Variants in TAS2R1 observed in about 807,000 individuals in gnomAD.
TAS2R1 encodes taste 2 receptor member 1.
For synonymous variants in TAS2R1, 141 were observed against 134.2 expected (o/e 1.05, Z -0.35); for missense variants, 370 against 353.4 (o/e 1.05, Z -0.38).
chr5:9,807,893 TTAAAA>T, the TAS2R1 span, among the ~76,000 whole-genome samples: 4 of 150,300 alleles, frequency 2.7e-5, no homozygotes, highest in Non-Finnish European at 4.4e-5. Flanking sequence ...AAACAAACAA[TTAAAA>T]TAAAATAAAA....
chr5:9,851,578 A>G, the TAS2R1 span, among the ~76,000 whole-genome samples: 2 of 151,442 alleles, frequency 1.3e-5, no homozygotes, highest in South Asian at 4.2e-4. Context: ...CATTTGGAAC[A>G]CAAGAAGTGC....
intron 1 of TAS2R1, among the ~76,000 whole-genome samples, chr5:9,668,876 G>A: frequency 6.6e-6 from 1 of 151,768 alleles, no homozygotes; most frequent in South Asian, 2.1e-4. Flanking sequence ...ATAATAACCA[G>A]CTAACAACAT....
chr5:9,820,259 T>C, the TAS2R1 span, among the ~76,000 whole-genome samples: 5 of 152,210 alleles, frequency 3.3e-5, no homozygotes, highest in South Asian at 8.3e-4. Flanking sequence ...CAGACTGCCA[T>C]AGGGGGCTGA....
the TAS2R1 span, among the ~76,000 whole-genome samples, chr5:9,834,283 C>T: frequency 6.6e-6 from 1 of 152,228 alleles, no homozygotes; most frequent in Non-Finnish European, 1.5e-5. Flanking sequence ...CCTGTTTCCT[C>T]GTTTAGAAAT....
intron 1 of TAS2R1, among the ~76,000 whole-genome samples, chr5:9,676,828 C>A (rs191641360): frequency 6.6e-6 from 1 of 152,006 alleles, no homozygotes; most frequent in Admixed American, 6.6e-5. Flanking sequence ...TTAGTTCAGC[C>A]ATTATGGAAG....
upstream of TAS2R1, chr5:9,713,928 AT>A (rs1457620438): frequency 6.6e-6 from 1 of 152,242 alleles, no homozygotes; most frequent in East Asian, 1.9e-4. Flanking sequence ...CATATTGTTT[AT>A]TTAAAATTAT....
chr5:9,671,030 C>T (rs572161803), intron 1 of TAS2R1, among the ~76,000 whole-genome samples: 1 of 152,150 alleles, frequency 6.6e-6, no homozygotes, highest in African/African-American at 2.4e-5. Context: ...AACAGAACTA[C>T]AAACAAAAAG....
At position 9,681,531 on chromosome 5, in the gene TAS2R1, C is replaced by CAAAAAAAAAAAAAAAAAAAAA. The variant is rs10681888; in HGVS notation, c.-241-21951_-241-21950insTTTTTTTTTTTTTTTTTTTTT. On this transcript the variant is annotated intron_variant, in intron 1 of 2. Coordinates refer to the TAS2R1 transcript ENST00000506620. ...TTTCAGGGGACTTCTCATGTTTCTGCAAAAAAAAAAAAAAAAAAAGATGCC... is the reference window on the plus strand; with the variant it reads ...TTTCAGGGGACTTCTCATGTTTCTGCAAAAAAAAAAAAAAAAAAAAAAAAAAAAAAAAAAAAAAAAGATGCC... Among the ~76,000 whole-genome samples, 172 of 87,852 alleles carry CAAAAAAAAAAAAAAAAAAAAA rather than the reference C, an allele frequency of 2.0e-3. 12 individuals are homozygous for CAAAAAAAAAAAAAAAAAAAAA. The highest frequency in any genetic ancestry group is 7.9e-3 in the East Asian group (20 of 2,544). The allele number at this position is 87,852 out of a possible 152,430, so 57.6% of individuals were successfully genotyped here.
upstream of TAS2R1, among the ~76,000 whole-genome samples, chr5:9,712,841 T>C (rs1191145973): frequency 6.6e-6 from 1 of 151,870 alleles, no homozygotes; most frequent in Non-Finnish European, 1.5e-5. Context: ...TCTCCAAAGA[T>C]GTGGAACAAA....
At chr5:9,750,210 C>T in the TAS2R1 span, among the ~76,000 whole-genome samples, 1 of 152,206 alleles carries the variant, frequency 6.6e-6, no homozygotes, top group Non-Finnish European at 1.5e-5. Context: ...CACTTGCTCA[C>T]ATACTGTCTG....
the TAS2R1 span, among the ~76,000 whole-genome samples, chr5:9,834,378 G>A: frequency 8.5e-5 from 13 of 152,114 alleles, no homozygotes; most frequent in African/African-American, 3.1e-4. Flanking sequence ...AACAGTACCT[G>A]GCACAAAAAG....
chr5:9,893,506 CTG>C, the TAS2R1 span, among the ~76,000 whole-genome samples: 6 of 152,272 alleles, frequency 3.9e-5, no homozygotes, highest in African/African-American at 1.4e-4. Flanking sequence ...ACTCATTCAA[CTG>C]TGTTTTCTAA....
chr5:9,815,391 C>T, the TAS2R1 span, among the ~76,000 whole-genome samples: 15 of 152,228 alleles, frequency 9.9e-5, no homozygotes, highest in East Asian at 2.5e-3. Flanking sequence ...TCTTAATGCA[C>T]AAACAAGTCA....
At chr5:9,688,150 T>C (rs1470166366) in intron 1 of TAS2R1, among the ~76,000 whole-genome samples, 1 of 152,222 alleles carries the variant, frequency 6.6e-6, no homozygotes, top group Non-Finnish European at 1.5e-5. Flanking sequence ...ATCACTAACA[T>C]ATACTTTGTA....
intron 1 of TAS2R1, among the ~76,000 whole-genome samples, chr5:9,695,229 G>T (rs1741333777): frequency 6.6e-6 from 1 of 152,174 alleles, no homozygotes; most frequent in African/African-American, 2.4e-5. Context: ...CATGATTACT[G>T]TTTTTGTAGT....
chr5:9,677,003 C>T (rs371333624), intron 1 of TAS2R1, among the ~76,000 whole-genome samples: 1 of 152,054 alleles, frequency 6.6e-6, no homozygotes, highest in African/African-American at 2.4e-5. Context: ...ATGGAATCAA[C>T]CTAAATGCCT....
At chr5:9,870,920 G>T in the TAS2R1 span, among the ~76,000 whole-genome samples, 3 of 152,132 alleles carry the variant, frequency 2.0e-5, no homozygotes, top group African/African-American at 4.8e-5. Context: ...AAAATGCAAG[G>T]TAGTAATTTT....
the TAS2R1 span, among the ~76,000 whole-genome samples, chr5:9,751,486 G>C: frequency 6.6e-6 from 1 of 152,154 alleles, no homozygotes; most frequent in Admixed American, 6.6e-5. Flanking sequence ...ATCTGAATCT[G>C]TATTTATTTT....
At chr5:9,632,075 G>A (rs189463501), upstream of TAS2R1, among the ~76,000 whole-genome samples, 37 of 152,298 alleles carry the variant, frequency 2.4e-4, no homozygotes, top group Admixed American at 1.5e-3. Context: ...GTAAGGGCAT[G>A]CAGCTATGAA....
Sources: allele counts gnomAD v4.1 joint callset (sites outside exome capture counted in the v4.1 genomes callset), GRCh38; gene constraint gnomAD v4.1.1; transcripts MANE v1.5; gene names NCBI Gene and HGNC (gene_info 2026-07-23, HGNC 2026-07-21).